SPTBN5: variants seen among roughly 807,000 people sequenced by gnomAD.
The protein encoded by SPTBN5 is spectrin beta, non-erythrocytic 5.
Under a neutral mutation model 477.6 loss-of-function variants are expected in SPTBN5, and 513 were observed. The observed-to-expected ratio is 1.07, with a 90% CI of 1.00 to 1.16. The LOEUF (loss-of-function observed/expected upper bound fraction) is 1.16, where lower values mean the gene tolerates loss of function less well. Ranked by LOEUF, SPTBN5 falls within the 50% of genes most tolerant of loss-of-function variation. The pLI, the probability that SPTBN5 is intolerant of heterozygous loss-of-function variation, is 0.00. For synonymous variants in SPTBN5, 2,169 were observed against 2,011.7 expected, an observed-to-expected ratio of 1.08 and a Z score of -2.09; for missense variants, 5,062 against 4,731.8, an observed-to-expected ratio of 1.07 and a Z score of -2.05.
intron 39 of SPTBN5, 139 bp downstream of exon 39, chr15:41,865,669 G>A (rs1193630191): frequency 1.4e-5 from 10 of 729,734 alleles, no homozygotes; most frequent in East Asian, 2.8e-5. Context: ...CGGGTGAGAG[G>A]AGGGAGCCTG....
rs1033723262 is a variant in SPTBN5 at position 41,865,825 on chromosome 15, G to A, written c.6901C>T (p.Arg2301Ter). The change falls in exon 39 of 68, where the codon CGA (arginine) becomes TGA (stop). Residue 2301 changes from arginine (R) to a stop codon, truncating the protein, a stop_gained. Transcript: ENST00000320955. LOFTEE classifies it high-confidence loss of function. ...LQLRRRLREF[R>*]GNSAGDTVGD... is the part of the protein sequence containing the mutation. ...CCTCTTACCCCGGCCGAGTTTCCTCGGAACTCGCGGAGCCGCCGTCGGAGC... is the reference window on the plus strand; with the variant it reads ...CCTCTTACCCCGGCCGAGTTTCCTCAGAACTCGCGGAGCCGCCGTCGGAGC... The A allele has an allele frequency of 2.0e-5, 31 of 1,565,224 alleles. No individual in the cohort carries two copies. Among genetic ancestry groups the A allele is most frequent in the South Asian group, 4.7e-5 (4 of 84,844 alleles).
At chr15:41,869,196 C>A (rs1480518474) in intron 32 of SPTBN5, among the ~76,000 whole-genome samples, 1 of 152,252 alleles carries the variant, frequency 6.6e-6, no homozygotes, top group South Asian at 2.1e-4. Context: ...ACTCTAAGTG[C>A]ATGACAAACC....
intron 3 of SPTBN5, 137 bp downstream of exon 3, chr15:41,892,757 C>T: frequency 9.9e-7 from 1 of 1,008,694 alleles, no homozygotes; most frequent in Non-Finnish European, 1.4e-6. Context: ...CTCTGTGTCC[C>T]AGCCACTCCT....
chr15:41,862,160 C>T lies in SPTBN5; in HGVS notation c.7518G>A (p.Arg2506=), dbSNP rs1385100005. Residue 2506 remains arginine, a synonymous_variant, in exon 44 of 68, where the codon CGG becomes CGA. Coordinates refer to ENST00000320955, the MANE Select transcript of SPTBN5 (RefSeq NM_016642.4). ...SPAPRSPVEA[R]RMLEEHQECK... ...ACTCCTGATGCTCTTCTAACATACG[C>T]CGGGCTTCCACAGGGCTGCGAGGAG... The T allele has an allele frequency of 6.3e-7, 1 of 1,598,170 alleles. No individual in the cohort carries two copies. Among genetic ancestry groups the T allele is most frequent in the Admixed American group, 1.7e-5 (1 of 58,468 alleles).
At position 41,882,602 on chromosome 15, in the gene SPTBN5, C is replaced by G; in HGVS notation, c.2029G>C (p.Ala677Pro). The G allele has an allele frequency of 6.2e-7, 1 of 1,603,152 alleles. No homozygotes were observed. The highest frequency in any genetic ancestry group is 8.5e-7 in the Non-Finnish European group (1 of 1,176,150). ...LGRDLSQIAG[A>P]LQKHKALEAE... ...GCTGACACCTTGTGTTTCTGCAGGG[C>G]GCCTGCGATCTGGCTGAGATCCCGG... The change falls in exon 10 of 68, where the codon GCC becomes CCC. Residue 677 changes from alanine (A) to proline (P), a missense_variant. Physicochemically the swap from Ala to Pro is conservative, Grantham distance 27. Transcript: ENST00000320955.
chr15:41,861,806 G>T lies in SPTBN5; in HGVS notation c.7666C>A (p.Gln2556Lys), dbSNP rs753623325. 3 of 1,580,194 alleles carry T rather than the reference G, an allele frequency of 1.9e-6. No individual in the cohort carries two copies. Among genetic ancestry groups the T allele is most frequent in the Non-Finnish European group, 2.6e-6 (3 of 1,167,186 alleles). ...GCCCCTTCCAGGCTGCTCAGCTCCT[G>T]TTCTAAGCCAGCCAGCACCTGGCGA... The part of the protein sequence containing the change: ...DIRQVLAGLE[Q>K]ELSSLEGAWQ... Residue 2556 changes from glutamine to lysine, a missense_variant, in exon 45 of 68, where the codon CAG becomes AAG. By Grantham distance (53) the Gln-to-Lys change is moderately conservative (BLOSUM62 1). Transcript: ENST00000320955.
rs1595483956 is a variant in SPTBN5 at position 41,873,597 on chromosome 15, A to G, written c.4902T>C (p.Asp1634=). 1 of 1,551,890 alleles carries G rather than the reference A, an allele frequency of 6.4e-7. No individual in the cohort carries two copies. Among genetic ancestry groups the G allele is most frequent in the African/African-American group, 1.4e-5 (1 of 73,158 alleles). ...CCACCCAGCCCTCCAGCTCTGACAC[A>G]TCCAGAAAGTACTGCCAAGAGTGGG... is the stretch of plus-strand genomic sequence containing the variant. ...QAVTFQQYFL[D]VSELEGWVEE... Residue 1634 remains aspartate, a synonymous_variant, in exon 26 of 68, where the codon GAT becomes GAC. Coordinates refer to ENST00000320955, the MANE Select transcript of SPTBN5 (RefSeq NM_016642.4).
chr15:41,889,853 A>G (rs1029054938), intron 4 of SPTBN5, among the ~76,000 whole-genome samples: 2 of 152,198 alleles, frequency 1.3e-5, no homozygotes, highest in African/African-American at 4.8e-5. Context: ...ACTTGCCCAG[A>G]CCTGGTTTGA....
intron 11 of SPTBN5, 40 bp downstream of exon 11, chr15:41,882,229 C>CCCGGGG: frequency 7.9e-7 from 1 of 1,263,834 alleles, no homozygotes; most frequent in Non-Finnish European, 1.1e-6. Context: ...CCCGCCTCGC[C>CCCGGGG]GGGCCCCGCC....
chr15:41,866,034 AC>A lies in SPTBN5; in HGVS notation c.6822+3del. 1 of 1,552,450 alleles carries A rather than the reference AC, an allele frequency of 6.4e-7. No individual in the cohort carries two copies. The highest frequency in any genetic ancestry group is 8.7e-7 in the Non-Finnish European group (1 of 1,148,280). The stretch of plus-strand genomic sequence containing the variant: ...TCTCAGCCCCCACCCAGCTGGGGCT[AC>A]ACCTTCTCCTGGATCCAGGCCTCTG... On this transcript the variant is annotated splice_donor_region_variant and intron_variant, in intron 38 of 67. Coordinates refer to ENST00000320955, the MANE Select transcript of SPTBN5 (RefSeq NM_016642.4).
At position 41,849,676 on chromosome 15, in the gene SPTBN5, G is replaced by A. The variant is rs138416316; in HGVS notation, c.11012+193C>T. ...GGGAGGGGACCACTGTAGAGTCTGT[G>A]GAAATCTGGGCTTTGTGGCCTGGAT... On this transcript the variant is annotated intron_variant, in intron 67 of 67. Transcript: ENST00000320955. Among the ~76,000 whole-genome samples the A allele has an allele frequency of 7.2e-5, 11 of 152,294 alleles. No individual in the cohort carries two copies. The East Asian group carries it at 1.7e-3, about 24-fold the overall frequency.
chr15:41,889,031 G>C (rs1317957905), intron 4 of SPTBN5, among the ~76,000 whole-genome samples: 2 of 152,244 alleles, frequency 1.3e-5, no homozygotes, highest in Non-Finnish European at 2.9e-5. Context: ...CAGGGAGCAG[G>C]GCTGGAGGGG....
At position 41,853,613 on chromosome 15, in the gene SPTBN5, G is replaced by A; in HGVS notation, c.9949C>T (p.His3317Tyr). 6.3e-7 allele frequency: 1 copy of A among 1,586,484 alleles called. No individual in the cohort carries two copies. The highest frequency in any genetic ancestry group is 8.6e-7 in the Non-Finnish European group (1 of 1,165,236). ...GQWLAQAAQG[H>Y]AFLGRCQELL... ...TCCTGGCAGCGCCCGAGGAAGGCAT[G>A]GCCCTGTGCAGCCTGCGCCAGCCAC... The change falls in exon 58 of 68, where the codon CAT becomes TAT. Residue 3317 changes from histidine (H) to tyrosine (Y), a missense_variant. Transcript: ENST00000320955.
chr15:41,854,115 C>G lies in SPTBN5; in HGVS notation c.9709G>C (p.Gly3237Arg), dbSNP rs758781971. Residue 3237 changes from glycine (G) to arginine (R), a missense_variant, in exon 57 of 68, where the codon GGG (glycine) becomes CGG (arginine). Transcript: ENST00000320955. Reference protein sequence around the residue: ...RMQEKTALMKGEDGGHSLSSV... With the variant: ...RMQEKTALMKREDGGHSLSSV... The stretch of plus-strand genomic sequence containing the variant: ...GACAGGCTGTGGCCTCCGTCCTCCC[C>G]CTTCATCAGGGCCGTCTTCTCCTGC... The G allele has an allele frequency of 3.1e-6, 5 of 1,588,554 alleles. No homozygotes were observed. Among genetic ancestry groups the G allele is most frequent in the Non-Finnish European group, 4.3e-6 (5 of 1,168,284 alleles).
chr15:41,886,474 G>T, intron 6 of SPTBN5, 108 bp from the exon 7 acceptor site: 1 of 1,274,624 alleles, frequency 7.8e-7, no homozygotes, highest in Non-Finnish European at 1.1e-6. Flanking sequence ...ACTTCTCTGA[G>T]CCAAAGATGC....
chr15:41,848,536 C>CTG lies in SPTBN5; in HGVS notation c.*78_*79dup. The CTG allele has an allele frequency of 3.2e-6, 5 of 1,563,584 alleles. No homozygotes were observed. Among genetic ancestry groups the CTG allele is most frequent in the African/African-American group, 2.7e-5 (2 of 73,996 alleles). ...CAGCCACGGGAAGGAGCCCTTTTGCCTGTAGCTGAGTCTTATTCTGGTCCC... is the reference window on the plus strand; with the variant it reads ...CAGCCACGGGAAGGAGCCCTTTTGCCTGTGTAGCTGAGTCTTATTCTGGTCCC... On this transcript the variant is annotated 3_prime_UTR_variant, in exon 68 of 68. Transcript: ENST00000320955.
chr15:41,855,082 A>G (rs927707089), intron 55 of SPTBN5, 106 bp from the exon 56 acceptor site: 2 of 1,439,824 alleles, frequency 1.4e-6, no homozygotes, highest in Non-Finnish European at 1.9e-6. Flanking sequence ...CCCTCAGCCC[A>G]GGTTCTGGAA....
At position 41,890,088 on chromosome 15, in the gene SPTBN5, C is replaced by A; in HGVS notation, c.501+1G>T. The A allele has an allele frequency of 1.2e-6, 2 of 1,605,262 alleles. No homozygotes were observed. The highest frequency in any genetic ancestry group is 2.2e-5 in the South Asian group (2 of 89,574). ...GCTGGGTACTGGGGACTGAGCCATA[C>A]CTTGTCCAAGGAGATGTGGGAGATC... On this transcript the variant is annotated splice_donor_variant, in intron 4 of 67. Coordinates refer to ENST00000320955, the MANE Select transcript of SPTBN5 (RefSeq NM_016642.4). LOFTEE classifies it high-confidence loss of function.
rs113277695 is a variant in SPTBN5 at position 41,853,602 on chromosome 15, G to A, written c.9960C>T (p.Leu3320=). ...CCTACAGCAGTTCCTGGCAGCGCCC[G>A]AGGAAGGCATGGCCCTGTGCAGCCT... ...LAQAAQGHAF[L]GRCQELLAWA... is the part of the protein sequence containing the mutation. The change falls in exon 58 of 68, where the codon CTC becomes CTT. Residue 3320 remains leucine, a synonymous_variant. Coordinates refer to ENST00000320955, the MANE Select transcript of SPTBN5 (RefSeq NM_016642.4). 1.7e-5 allele frequency: 27 copies of A among 1,578,884 alleles called. No homozygotes were observed. In the East Asian group the frequency reaches 3.4e-4, roughly 20 times the overall value.
Sources: gnomAD v4.1 joint callset for allele counts (sites outside exome capture counted in the v4.1 genomes callset) on GRCh38, gnomAD v4.1.1 for gene constraint, MANE v1.5 for transcripts, NCBI Gene and HGNC (gene_info 2026-07-23, HGNC 2026-07-21) for gene names.